TFB1M: variants seen among roughly 807,000 people sequenced by gnomAD.
TFB1M encodes the protein dimethyladenosine transferase 1, mitochondrial.
Under a neutral mutation model 31.1 loss-of-function variants are expected in TFB1M, and 27 were observed. The ratio of observed to expected loss-of-function variants is 0.87; its 90% CI spans 0.64 to 1.20. TFB1M has a LOEUF of 1.20. TFB1M is among the 50% of genes most tolerant of loss of function. The pLI is 0.00. For missense variants in TFB1M, 394 were observed against 418.7 expected (o/e 0.94, Z 0.51); for synonymous variants, 166 against 151.8 (o/e 1.09, Z -0.69).
chr6:155,250,378 T>G, the TFB1M span, among the ~76,000 whole-genome samples: 1 of 151,914 alleles, frequency 6.6e-6, no homozygotes, highest in Non-Finnish European at 1.5e-5. Flanking sequence ...ACATTTTCTG[T>G]ATTTTTCCTT....
rs895961336 is a variant in TFB1M at position 155,256,395 on chromosome 6, T to C, written c.*1441A>G. ...GTCATATCATAAAATAAAATCTTAA[T>C]GTTAAATCTTACACAAGCTTTGAGG... On this transcript the variant is annotated 3_prime_UTR_variant, in exon 7 of 7. Coordinates refer to ENST00000367166, the MANE Select transcript of TFB1M (RefSeq NM_016020.4). The C allele has an allele frequency of 1.2e-5, 18 of 1,560,524 alleles. No individual in the cohort carries two copies. Among genetic ancestry groups the C allele is most frequent in the Non-Finnish European group, 1.6e-5 (18 of 1,150,132 alleles).
chr6:155,230,865 G>A, the TFB1M span, among the ~76,000 whole-genome samples: 5 of 144,790 alleles, frequency 3.5e-5, no homozygotes, highest in Non-Finnish European at 6.0e-5. Flanking sequence ...ATGGAGTCTC[G>A]CTCTGTCACC....
At chr6:155,259,187 G>A (rs1297073981) in intron 6 of TFB1M, among the ~76,000 whole-genome samples, 3 of 152,326 alleles carry the variant, frequency 2.0e-5, no homozygotes, top group Non-Finnish European at 2.9e-5. Flanking sequence ...CCTGCTCTGC[G>A]TGAGGGGTAA....
downstream of TFB1M, chr6:155,251,946 T>G: frequency 1.2e-6 from 2 of 1,603,728 alleles, no homozygotes. Flanking sequence ...TTTCTTTAGT[T>G]TTTAAGAGAG....
chr6:155,234,013 T>A, the TFB1M span, among the ~76,000 whole-genome samples: 2 of 143,060 alleles, frequency 1.4e-5, no homozygotes, highest in African/African-American at 2.7e-5. Flanking sequence ...TGGGGGGGGG[T>A]TGGGGTTCAA....
chr6:155,271,143 T>C (rs1784897153), intron 5 of TFB1M, among the ~76,000 whole-genome samples: 1 of 152,170 alleles, frequency 6.6e-6, no homozygotes, highest in Admixed American at 6.5e-5. Context: ...TTTAAAGAAA[T>C]GATTAAAGTC....
the TFB1M span, among the ~76,000 whole-genome samples, chr6:155,235,204 T>C: frequency 1.3e-5 from 2 of 152,238 alleles, no homozygotes; most frequent in Non-Finnish European, 2.9e-5. Context: ...CTGTGCCTTG[T>C]GCACAGCAGC....
At chr6:155,242,827 C>T in the TFB1M span, among the ~76,000 whole-genome samples, 7 of 152,108 alleles carry the variant, frequency 4.6e-5, no homozygotes, top group Non-Finnish European at 1.0e-4. Context: ...CCTCCACCTC[C>T]TGAGTTCAAG....
At chr6:155,250,309 T>A in the TFB1M span, among the ~76,000 whole-genome samples, 207 of 126,140 alleles carry the variant, frequency 1.6e-3, 1 homozygote, top group African/African-American at 5.6e-3. Context: ...TTTTTTTTTT[T>A]TAACATCAAA....
the TFB1M span, among the ~76,000 whole-genome samples, chr6:155,236,991 G>C: frequency 1.3e-5 from 2 of 152,110 alleles, no homozygotes; most frequent in African/African-American, 4.8e-5. Flanking sequence ...GTCCCCCAAA[G>C]TCTCAACTCA....
intron 1 of TFB1M, among the ~76,000 whole-genome samples, chr6:155,312,797 A>G (rs1178452425): frequency 1.3e-5 from 2 of 152,068 alleles, no homozygotes; most frequent in African/African-American, 4.8e-5. Flanking sequence ...AGGATTTTAA[A>G]AAATACACAG....
intron 4 of TFB1M, among the ~76,000 whole-genome samples, chr6:155,293,388 T>A (rs1283408904): frequency 6.6e-6 from 1 of 152,220 alleles, no homozygotes; most frequent in Non-Finnish European, 1.5e-5. Flanking sequence ...GTAATTGCTC[T>A]GTCACGTGCT....
intron 5 of TFB1M, among the ~76,000 whole-genome samples, chr6:155,265,671 G>C (rs571747846): frequency 1.4e-5 from 2 of 144,106 alleles, no homozygotes; most frequent in Admixed American, 7.0e-5. Context: ...AGAACTAATG[G>C]AATATATATA....
chr6:155,235,410 G>A, the TFB1M span, among the ~76,000 whole-genome samples: 2 of 152,178 alleles, frequency 1.3e-5, no homozygotes, highest in East Asian at 1.9e-4. Flanking sequence ...TCTCATCTGT[G>A]CTTTTCAGGC....
chr6:155,247,129 G>C, the TFB1M span, among the ~76,000 whole-genome samples: 1 of 152,238 alleles, frequency 6.6e-6, no homozygotes, highest in African/African-American at 2.4e-5. Flanking sequence ...GTGGAGTGAA[G>C]GCTGTAGGCT....
chr6:155,252,073 A>C, downstream of TFB1M: 1 of 1,280,550 alleles, frequency 7.8e-7, no homozygotes, highest in Middle Eastern at 1.9e-4. Flanking sequence ...CGTTGAACTG[A>C]AAAGCCCACT....
chr6:155,253,153 T>C, downstream of TFB1M: 1 of 984,128 alleles, frequency 1.0e-6, no homozygotes, highest in East Asian at 2.8e-5. Flanking sequence ...TTTTGGTGCC[T>C]TTTATTTTAT....
intron 4 of TFB1M, among the ~76,000 whole-genome samples, chr6:155,296,426 A>ATTTTTTTTTTTTT (rs71023639): frequency 1.6e-3 from 161 of 103,450 alleles, no homozygotes; most frequent in African/African-American, 2.6e-3. Context: ...CACCCAGCTA[A>ATTTTTTTTTTTTT]TTTTTTTTTT....
chr6:155,259,010 T>C (rs1784262968), intron 6 of TFB1M, among the ~76,000 whole-genome samples: 1 of 152,186 alleles, frequency 6.6e-6, no homozygotes. Context: ...GGATGGTGTA[T>C]CTGAAATGAA....
Sources: allele counts gnomAD v4.1 joint callset (sites outside exome capture counted in the v4.1 genomes callset), GRCh38; gene constraint gnomAD v4.1.1; transcripts MANE v1.5; gene names NCBI Gene and HGNC (gene_info 2026-07-23, HGNC 2026-07-21).